CBFA2T3: variants seen among roughly 807,000 people sequenced by gnomAD.
CBFA2T3 encodes CBFA2/RUNX1 partner transcriptional co-repressor 3, also known as transcriptional corepressor CBFA2T3.
In CBFA2T3, 31 loss-of-function variants were observed where a neutral mutation model predicts 58.6. The ratio of observed to expected loss-of-function variants is 0.53; its 90% CI spans 0.40 to 0.71. The LOEUF is 0.71. Ranked by LOEUF, CBFA2T3 falls within the 30% of genes least tolerant of loss-of-function variation. The pLI is 0.00. For synonymous variants in CBFA2T3, 531 were observed against 421.9 expected, an observed-to-expected ratio of 1.26 and a Z score of -3.17; for missense variants, 1,076 against 963.1, an observed-to-expected ratio of 1.12 and a Z score of -1.55.
chr16:88,919,629 G>A (rs962286372), intron 1 of CBFA2T3, among the ~76,000 whole-genome samples: 3 of 152,194 alleles, frequency 2.0e-5, no homozygotes, highest in Non-Finnish European at 2.9e-5. Context: ...CAGGGCAAGC[G>A]CGGGTGTTCC....
intron 1 of CBFA2T3, among the ~76,000 whole-genome samples, chr16:88,905,201 G>C (rs1478829138): frequency 2.0e-5 from 3 of 152,044 alleles, no homozygotes; most frequent in Middle Eastern, 3.2e-3. Context: ...CTCTGGGGCG[G>C]GCACATCGTC....
chr16:88,881,212 T>C, intron 9 of CBFA2T3, 79 bp downstream of exon 9: 8 of 1,281,398 alleles, frequency 6.2e-6, no homozygotes, highest in Non-Finnish European at 9.0e-6. Flanking sequence ...TTCGTTGCAT[T>C]GCCTGCCTGA....
chr16:88,941,180 T>C, intron 1 of CBFA2T3: 2 of 980,246 alleles, frequency 2.0e-6, no homozygotes, highest in Non-Finnish European at 2.4e-6. Flanking sequence ...GCGGCGGGGC[T>C]GGGGCGCGCG....
At chr16:88,957,631 C>G (rs1213178309) in intron 1 of CBFA2T3, 2 of 152,286 alleles carry the variant, frequency 1.3e-5, no homozygotes, top group African/African-American at 2.4e-5. Flanking sequence ...TCTCCATAGA[C>G]TGTCAGCCGA....
chr16:88,966,132 C>T (rs547867830), intron 1 of CBFA2T3, among the ~76,000 whole-genome samples: 12 of 152,352 alleles, frequency 7.9e-5, no homozygotes, highest in East Asian at 1.9e-4. Flanking sequence ...TGGGCTTTCC[C>T]GGTTTGTGTG....
At chr16:88,879,653 C>T in intron 10 of CBFA2T3, 193 bp from the exon 11 acceptor site, 2 of 569,034 alleles carry the variant, frequency 3.5e-6, no homozygotes, top group South Asian at 2.3e-5. Context: ...CACACACAGA[C>T]ACACGTTGAT....
At chr16:88,975,643 C>CT (rs1235291742) in intron 1 of CBFA2T3, among the ~76,000 whole-genome samples, 1 of 152,286 alleles carries the variant, frequency 6.6e-6, no homozygotes, top group Non-Finnish European at 1.5e-5. Flanking sequence ...AACAGTAGCA[C>CT]TGGCTGTGGT....
At chr16:88,888,034 G>A (rs1370092629) in intron 5 of CBFA2T3, among the ~76,000 whole-genome samples, 12 of 152,186 alleles carry the variant, frequency 7.9e-5, no homozygotes, top group African/African-American at 1.9e-4. Context: ...GACCCTTGCT[G>A]TATCTGCAAA....
At chr16:88,899,723 G>A (rs1266639761) in intron 2 of CBFA2T3, among the ~76,000 whole-genome samples, 1 of 152,254 alleles carries the variant, frequency 6.6e-6, no homozygotes, top group Non-Finnish European at 1.5e-5. Flanking sequence ...TGGGGAACCA[G>A]GCTCAGCCCA....
chr16:88,888,975 A>G (rs1969513262), intron 5 of CBFA2T3, among the ~76,000 whole-genome samples: 1 of 151,672 alleles, frequency 6.6e-6, no homozygotes, highest in African/African-American at 2.4e-5. Context: ...ACCAGACGTC[A>G]TGGACAGGGG....
rs775272945 is a variant in CBFA2T3 at position 88,880,795 on chromosome 16, CAG to C, written c.1403-9_1403-8del. 55 of 1,576,406 alleles carry C rather than the reference CAG, an allele frequency of 3.5e-5. No homozygotes were observed. The highest frequency in any genetic ancestry group is 7.0e-5 in the East Asian group (3 of 42,832). On this transcript the variant is annotated splice_polypyrimidine_tract_variant and splice_region_variant and intron_variant, in intron 9 of 11. Coordinates refer to ENST00000268679, the MANE Select transcript of CBFA2T3 (RefSeq NM_005187.6). Reference sequence around the variant, plus strand: ...AGGAACTCGCGAGGCACGTCTGAAACAGGGGCCGGCGTCACACAGGATGGGCC... The same window carrying C: ...AGGAACTCGCGAGGCACGTCTGAAACGGGCCGGCGTCACACAGGATGGGCC...
chr16:88,878,948 T>TC (rs1555529755), intron 11 of CBFA2T3, among the ~76,000 whole-genome samples: 6 of 152,074 alleles, frequency 3.9e-5, no homozygotes, highest in Admixed American at 3.9e-4. Context: ...AGAGTGAAAC[T>TC]CCATCTCAGC....
chr16:88,934,511 CG>C (rs988823692), intron 1 of CBFA2T3, among the ~76,000 whole-genome samples: 1 of 152,248 alleles, frequency 6.6e-6, no homozygotes, highest in Non-Finnish European at 1.5e-5. Context: ...CCGGCACCAT[CG>C]GGGGGCGACA....
intron 1 of CBFA2T3, among the ~76,000 whole-genome samples, chr16:88,918,792 G>A (rs1469097613): frequency 1.3e-5 from 2 of 152,228 alleles, no homozygotes; most frequent in South Asian, 4.1e-4. Context: ...AGGGGGTGCC[G>A]AGAACCTTGG....
intron 2 of CBFA2T3, among the ~76,000 whole-genome samples, chr16:88,899,081 A>G (rs1046934974): frequency 2.5e-5 from 2 of 81,152 alleles, no homozygotes; most frequent in African/African-American, 9.9e-5. Flanking sequence ...CCCCCACCCC[A>G]CAGCAGCACC....
intron 1 of CBFA2T3, chr16:88,939,095 C>T (rs1485024109): frequency 6.6e-6 from 1 of 152,228 alleles, no homozygotes; most frequent in African/African-American, 2.4e-5. Flanking sequence ...TAATTTCTTC[C>T]AGTCATGCAG....
intron 1 of CBFA2T3, among the ~76,000 whole-genome samples, chr16:88,909,010 G>A (rs1021097116): frequency 2.7e-4 from 41 of 152,264 alleles, no homozygotes; most frequent in African/African-American, 9.6e-4. Context: ...ATATGCTCCC[G>A]GGGAGCGGGG....
At chr16:88,945,791 G>A (rs919736588) in intron 1 of CBFA2T3, among the ~76,000 whole-genome samples, 8 of 152,120 alleles carry the variant, frequency 5.3e-5, no homozygotes, top group Non-Finnish European at 1.0e-4. Context: ...CTTTTACCAC[G>A]CCACCCAGCA....
chr16:88,900,582 G>A (rs1397569653), intron 2 of CBFA2T3, among the ~76,000 whole-genome samples: 3 of 152,200 alleles, frequency 2.0e-5, no homozygotes. Flanking sequence ...CGCCCAGAGA[G>A]GGGCTTCGTT....
Sources: gnomAD v4.1 joint callset for allele counts (sites outside exome capture counted in the v4.1 genomes callset) on GRCh38, gnomAD v4.1.1 for gene constraint, MANE v1.5 for transcripts, NCBI Gene and HGNC (gene_info 2026-07-23, HGNC 2026-07-21) for gene names.